The following TNRC6A variants were observed in gnomAD, a reference collection of about 807,000 sequenced individuals.
The protein encoded by TNRC6A is trinucleotide repeat-containing gene 6A protein.
A neutral mutation model predicts 221.2 loss-of-function variants in TNRC6A; 44 were observed. The ratio of observed to expected loss-of-function variants is 0.20; its 90% CI spans 0.16 to 0.26. The LOEUF is 0.26. TNRC6A is among the 10% of genes least tolerant of loss of function. TNRC6A has a pLI of 1.00. For synonymous variants in TNRC6A, 847 were observed against 838.5 expected (o/e 1.01, Z -0.18); for missense variants, 2,199 against 2,404.4 (o/e 0.91, Z 1.79).
chr16:24,639,491 T>C (rs1238684522), intron 1 of TNRC6A, among the ~76,000 whole-genome samples: 1 of 151,504 alleles, frequency 6.6e-6, no homozygotes, highest in Non-Finnish European at 1.5e-5. Flanking sequence ...AGACCCTCTC[T>C]CAAAAAACAT....
chr16:24,730,421 A>G (rs925424174), intron 2 of TNRC6A, 121 bp downstream of exon 2: 32 of 1,183,090 alleles, frequency 2.7e-5, no homozygotes, highest in Non-Finnish European at 3.4e-5. Context: ...GAGAGCAGAC[A>G]TTCGGGAGAA....
intron 17 of TNRC6A, 29 bp downstream of exon 17, chr16:24,806,813 A>C (rs1404594923): frequency 6.2e-7 from 1 of 1,607,436 alleles, no homozygotes; most frequent in South Asian, 1.1e-5. Context: ...CAAGTATTGG[A>C]CTGATGCTTA....
At chr16:24,770,075 C>T (rs143682176) in intron 4 of TNRC6A, among the ~76,000 whole-genome samples, 4 of 152,236 alleles carry the variant, frequency 2.6e-5, no homozygotes, top group African/African-American at 7.2e-5. Flanking sequence ...TTCTAAGATA[C>T]GCCCAGTCTG....
rs536491313 is a variant in TNRC6A, at chr16:24,629,745, G to A, written n.277-11139G>A. Among the ~76,000 whole-genome samples the A allele has an allele frequency of 7.9e-5, 12 of 152,210 alleles. No individual in the cohort carries two copies. In the South Asian group the frequency reaches 1.0e-3, roughly 13 times the overall value. The stretch of plus-strand genomic sequence containing the variant: ...TGTAATCTCACTGCTTTGGGAGGCC[G>A]AGGCAGGTGAATTGTTTGAGTCCAG... On this transcript the variant is annotated intron_variant and non_coding_transcript_variant, in intron 1 of 2. Transcript: ENST00000566108.
At chr16:24,629,192 T>C (rs903759241) in intron 1 of TNRC6A, among the ~76,000 whole-genome samples, 3 of 152,172 alleles carry the variant, frequency 2.0e-5, no homozygotes, top group Non-Finnish European at 2.9e-5. Flanking sequence ...CATAATAAAT[T>C]CCCCTAAATA....
intron 2 of TNRC6A, among the ~76,000 whole-genome samples, chr16:24,676,257 A>G (rs1346601431): frequency 6.6e-6 from 1 of 152,014 alleles, no homozygotes; most frequent in African/African-American, 2.4e-5. Context: ...TTTTGCACCA[A>G]TGGAGACTTC....
At position 24,790,479 on chromosome 16, in the gene TNRC6A, C is replaced by T; in HGVS notation, c.1837C>T (p.Pro613Ser). 1 of 1,614,184 alleles carries T rather than the reference C, an allele frequency of 6.2e-7. No individual in the cohort carries two copies. The change falls in exon 6 of 25, where the codon CCC becomes TCC. Residue 613 changes from proline (P) to serine (S), a missense_variant. Transcript: ENST00000395799. ...TPAQNTGTNL[P>S]SVEWNKLPSN... ...TGCACAAAACACTGGCACTAATTTACCCAGCGTTGAGTGGAACAAACTGCC... is the reference window on the plus strand; with the variant it reads ...TGCACAAAACACTGGCACTAATTTATCCAGCGTTGAGTGGAACAAACTGCC...
At chr16:24,752,888 T>C (rs1222946260) in intron 3 of TNRC6A, among the ~76,000 whole-genome samples, 1 of 152,210 alleles carries the variant, frequency 6.6e-6, no homozygotes, top group Non-Finnish European at 1.5e-5. Context: ...AGAAGAGGCC[T>C]AAGACAATAT....
intron 4 of TNRC6A, among the ~76,000 whole-genome samples, chr16:24,763,152 T>A (rs1488438584): frequency 3.3e-5 from 5 of 152,232 alleles, no homozygotes; most frequent in Non-Finnish European, 7.3e-5. Flanking sequence ...TAAAATCTCC[T>A]GCATGCTTTG....
At position 24,790,014 on chromosome 16, in the gene TNRC6A, A is replaced by G. The variant is rs1289980466; in HGVS notation, c.1372A>G (p.Asn458Asp). Residue 458 changes from asparagine (N) to aspartate (D), a missense_variant, in exon 6 of 25, where the codon AAC becomes GAC. Asn to Asp is a conservative substitution (Grantham distance 23). Coordinates refer to ENST00000395799, the MANE Select transcript of TNRC6A (RefSeq NM_014494.4). ...AATGACTGGACCAAATAACACTACT[A>G]ACTTTATGACCTCTAGTTTACCAAA... ...TEMTGPNNTT[N>D]FMTSSLPNSG... is the part of the protein sequence containing the mutation. 4 of 1,614,236 alleles carry G rather than the reference A, an allele frequency of 2.5e-6. No homozygotes were observed. The highest frequency in any genetic ancestry group is 3.4e-6 in the Non-Finnish European group (4 of 1,180,054).
At position 24,666,639 on chromosome 16, in the gene TNRC6A, GAAAAAAAA is replaced by G. The variant is rs1164353374; in HGVS notation, n.402+25653_402+25660del. Reference sequence around the variant, plus strand: ...TGACAGAGCAAGACCCTGTCTTAGAGAAAAAAAAAAAAAAAAAAAAAAAAAAAAAATAT... The same window carrying G: ...TGACAGAGCAAGACCCTGTCTTAGAGAAAAAAAAAAAAAAAAAAAAAATAT... On this transcript the variant is annotated intron_variant and non_coding_transcript_variant, in intron 2 of 2. Transcript: ENST00000566108. 3.1e-3 allele frequency among the ~76,000 whole-genome samples: 98 copies of G among 31,506 alleles called. 2 individuals are homozygous for G. The highest frequency in any genetic ancestry group is 8.7e-3 in the African/African-American group (78 of 8,968). 20.7% of individuals were successfully genotyped at this position (31,506 alleles called of 152,430 possible). A position where few individuals can be genotyped will look rare whatever the true frequency, so the allele number is the denominator to read the frequency against.
intron 1 of TNRC6A, among the ~76,000 whole-genome samples, chr16:24,618,612 A>G (rs1900498436): frequency 7.2e-6 from 1 of 138,322 alleles, no homozygotes. Flanking sequence ...TGTATTCCTT[A>G]TATCATTCCT....
intron 21 of TNRC6A, 52 bp downstream of exon 21, chr16:24,818,752 G>A (rs754796275): frequency 1.7e-5 from 24 of 1,424,542 alleles, no homozygotes; most frequent in Non-Finnish European, 2.2e-5. Context: ...CCAGAGCCGC[G>A]GCTGTTGTTT....
intron 1 of TNRC6A, among the ~76,000 whole-genome samples, chr16:24,626,404 C>T (rs1900993012): frequency 6.6e-6 from 1 of 152,132 alleles, no homozygotes; most frequent in South Asian, 2.1e-4. Context: ...AAGCTGCCCG[C>T]ATGACTCATT....
chr16:24,791,683 A>G lies in TNRC6A; in HGVS notation c.3041A>G (p.Tyr1014Cys), dbSNP rs753920631. The change falls in exon 6 of 25, where the codon TAC (tyrosine) becomes TGC (cysteine). Residue 1014 changes from tyrosine (Y) to cysteine (C), a missense_variant. Physicochemically the swap from Tyr to Cys is radical, Grantham distance 194 (BLOSUM62 -2). Around this residue, in one of 8 missense-constraint regions of TNRC6A, gnomAD observed 1,405 missense variants for 1,400.2 expected, o/e 1.00. Transcript: ENST00000395799. Reference sequence around the variant, plus strand: ...TCAGCTTGGGGAGATCCAAGCAAATACAACTACAAAAATGTGAACATGTGG... The same window carrying G: ...TCAGCTTGGGGAGATCCAAGCAAATGCAACTACAAAAATGTGAACATGTGG... ...GTSAWGDPSK[Y>C]NYKNVNMWNK... is the part of the protein sequence containing the mutation. 3.7e-6 allele frequency: 6 copies of G among 1,613,820 alleles called. No individual in the cohort carries two copies. The highest frequency in any genetic ancestry group is 5.1e-6 in the Non-Finnish European group (6 of 1,179,946).
chr16:24,621,227 A>G (rs1214578682), intron 1 of TNRC6A, among the ~76,000 whole-genome samples: 1 of 151,962 alleles, frequency 6.6e-6, no homozygotes, highest in Non-Finnish European at 1.5e-5. Context: ...CAAATTTGAA[A>G]TAGAAGAAAG....
At chr16:24,748,407 G>C (rs2057060393) in intron 2 of TNRC6A, among the ~76,000 whole-genome samples, 1 of 152,088 alleles carries the variant, frequency 6.6e-6, no homozygotes, top group Non-Finnish European at 1.5e-5. Flanking sequence ...GAGTGAGCTT[G>C]TTCAGTCTTA....
chr16:24,648,833 G>A (rs140908878), intron 2 of TNRC6A, among the ~76,000 whole-genome samples: 1 of 152,248 alleles, frequency 6.6e-6, no homozygotes, highest in Non-Finnish European at 1.5e-5. Context: ...TGCTGAAAAT[G>A]TCTCAATAGT....
chr16:24,644,411 C>T (rs1421869824), intron 2 of TNRC6A, among the ~76,000 whole-genome samples: 3 of 151,834 alleles, frequency 2.0e-5, no homozygotes, highest in Non-Finnish European at 2.9e-5. Context: ...CCTCCCGCCC[C>T]GGCCAAGAAG....
Sources: allele counts gnomAD v4.1 joint callset (sites outside exome capture counted in the v4.1 genomes callset), GRCh38; gene constraint gnomAD v4.1.1; regional missense constraint gnomAD v4.1.1; transcripts MANE v1.5; gene names NCBI Gene and HGNC (gene_info 2026-07-23, HGNC 2026-07-21).